EXOSC7: variants seen among roughly 807,000 people sequenced by gnomAD.
EXOSC7 encodes the protein exosome complex component RRP42.
In EXOSC7, 25 loss-of-function variants were observed where a neutral mutation model predicts 34.3. That is an observed-to-expected ratio of 0.73 (90% CI 0.53 to 1.02). The LOEUF is 1.02. EXOSC7 is among the 50% of genes least tolerant of loss of function. The probability of loss-of-function intolerance (pLI) is 0.00; values close to 1 mark genes in which losing one functional copy is unlikely to be tolerated. For missense variants in EXOSC7, 370 were observed against 368.5 expected (o/e 1.00, Z -0.03); for synonymous variants, 130 against 143.0 (o/e 0.91, Z 0.65).
chr3:45,005,318 T>A lies in EXOSC7; in HGVS notation c.519T>A (p.Asp173Glu), dbSNP rs145102813. The A allele has an allele frequency of 1.2e-6, 2 of 1,614,062 alleles. No individual in the cohort carries two copies. Among genetic ancestry groups the A allele is most frequent in the African/African-American group, 1.3e-5 (1 of 74,938 alleles). The change falls in exon 6 of 8, where the codon GAT becomes GAA. Residue 173 changes from aspartate (D) to glutamate (E), a missense_variant. By Grantham distance (45) the Asp-to-Glu change is conservative. Coordinates refer to ENST00000265564, the MANE Select transcript of EXOSC7 (RefSeq NM_015004.4). Reference protein sequence around the residue: ...TRIPRVRVLEDEEGSKDIELS... With the variant: ...TRIPRVRVLEEEEGSKDIELS... ...TACCAAGGGTTCGAGTTTTGGAGGA[T>A]GAAGAGGGGTCGAAGGACATTGAAT...
At chr3:45,001,950 G>T (rs1483166453) in intron 5 of EXOSC7, 5 of 248,256 alleles carry the variant, frequency 2.0e-5, no homozygotes, top group African/African-American at 9.1e-5. Flanking sequence ...CTCTATGGGG[G>T]CAAGGATTTT....
chr3:44,990,833 G>T (rs931499333), intron 3 of EXOSC7, among the ~76,000 whole-genome samples: 1 of 152,168 alleles, frequency 6.6e-6, no homozygotes, highest in Non-Finnish European at 1.5e-5. Context: ...GTTTACTATT[G>T]CCTGGGAGCC....
At chr3:44,985,650 G>A (rs1210994104) in intron 1 of EXOSC7, among the ~76,000 whole-genome samples, 1 of 152,154 alleles carries the variant, frequency 6.6e-6, no homozygotes, top group African/African-American at 2.4e-5. Context: ...AAGGCAGTGT[G>A]GACCCAAAGA....
chr3:44,993,320 T>A (rs997162886), intron 3 of EXOSC7, among the ~76,000 whole-genome samples: 1 of 152,072 alleles, frequency 6.6e-6, no homozygotes, highest in African/African-American at 2.4e-5. Context: ...AGGGCCTGTG[T>A]TGGGGCTAGA....
At chr3:44,978,501 C>T (rs1575997283) in intron 1 of EXOSC7, among the ~76,000 whole-genome samples, 1 of 152,042 alleles carries the variant, frequency 6.6e-6, no homozygotes, top group Admixed American at 6.6e-5. Flanking sequence ...AGCTCTCATG[C>T]TAGAAGGAAG....
At chr3:44,981,772 G>C (rs1706275256) in intron 1 of EXOSC7, among the ~76,000 whole-genome samples, 1 of 152,168 alleles carries the variant, frequency 6.6e-6, no homozygotes, top group Admixed American at 6.5e-5. Context: ...TAGGTGTGTG[G>C]TGGTGTGTGC....
chr3:44,998,510 C>T (rs1706789652), intron 4 of EXOSC7, among the ~76,000 whole-genome samples: 1 of 152,082 alleles, frequency 6.6e-6, no homozygotes, highest in African/African-American at 2.4e-5. Context: ...AGCTATTGGC[C>T]AAATAGATTC....
intron 1 of EXOSC7, among the ~76,000 whole-genome samples, chr3:44,979,208 T>C (rs564488837): frequency 1.2e-3 from 188 of 152,344 alleles, no homozygotes; most frequent in Non-Finnish European, 2.0e-3. Context: ...GAGCCTACCA[T>C]GGAATCTCAA....
intron 4 of EXOSC7, among the ~76,000 whole-genome samples, chr3:44,998,907 C>T (rs1706800152): frequency 6.6e-6 from 1 of 152,154 alleles, no homozygotes; most frequent in South Asian, 2.1e-4. Context: ...CATAGTTGCC[C>T]AGGGAGGTGC....
At chr3:45,007,207 A>G (rs1051073651) in intron 6 of EXOSC7, among the ~76,000 whole-genome samples, 4 of 151,884 alleles carry the variant, frequency 2.6e-5, no homozygotes, top group Non-Finnish European at 5.9e-5. Context: ...GTTTTTCCAT[A>G]TCGTGTTTTT....
At position 44,989,310 on chromosome 3, in the gene EXOSC7, C is replaced by T. The variant is rs117957336; in HGVS notation, c.159+69C>T. 1.0e-3 allele frequency: 1,222 copies of T among 1,209,322 alleles called. 16 individuals are homozygous for T. In the East Asian group the frequency reaches 0.024, roughly 24 times the overall value. 74.9% of individuals were successfully genotyped at this position (1,209,322 alleles called of 1,614,324 possible). ...TAGGCCCTAAGGAATGAGCTGCTGA[C>T]GCTGTCTGGCTTTTGGAATGCAAAT... is the stretch of plus-strand genomic sequence containing the variant. On this transcript the variant is annotated intron_variant, in intron 2 of 7. Coordinates refer to ENST00000265564, the MANE Select transcript of EXOSC7 (RefSeq NM_015004.4).
At position 45,005,271 on chromosome 3, in the gene EXOSC7, ACTAGTG is replaced by A; in HGVS notation, c.492-17_492-12del. 4 of 1,613,644 alleles carry A rather than the reference ACTAGTG, an allele frequency of 2.5e-6. No individual in the cohort carries two copies. Among genetic ancestry groups the A allele is most frequent in the Middle Eastern group, 1.7e-4 (1 of 6,058 alleles). On this transcript the variant is annotated splice_polypyrimidine_tract_variant and intron_variant, in intron 5 of 7. Transcript: ENST00000265564. ...TTTTCCTCCTCCAAGTGGGAATTTT[ACTAGTG>A]CTTCTGCTTCCAGGATACCAAGGGT...
At position 44,997,270 on chromosome 3, in the gene EXOSC7, G is replaced by C. The variant is rs199885688; in HGVS notation, c.420+18G>C. 2.8e-5 allele frequency: 44 copies of C among 1,599,798 alleles called. No homozygotes were observed. The African/African-American group carries it at 5.6e-4, about 20-fold the overall frequency. On this transcript the variant is annotated intron_variant, in intron 4 of 7. Coordinates refer to ENST00000265564, the MANE Select transcript of EXOSC7 (RefSeq NM_015004.4). ...ATGTGCTGGTGAGTATCATCGTGCT[G>C]TACTGGCCACATTCTACCTTTGTTG...
chr3:44,980,716 A>G (rs1477548197), intron 1 of EXOSC7, among the ~76,000 whole-genome samples: 1 of 152,194 alleles, frequency 6.6e-6, no homozygotes, highest in Non-Finnish European at 1.5e-5. Context: ...GAAGGGAAAG[A>G]GAAAGTTCTA....
chr3:44,998,537 A>G (rs1706790508), intron 4 of EXOSC7, among the ~76,000 whole-genome samples: 2 of 152,222 alleles, frequency 1.3e-5, no homozygotes, highest in South Asian at 4.1e-4. Context: ...GAATGTGCAG[A>G]TAAAGGAGAT....
At chr3:44,982,914 C>T (rs1167000096) in intron 1 of EXOSC7, among the ~76,000 whole-genome samples, 2 of 152,162 alleles carry the variant, frequency 1.3e-5, no homozygotes, top group African/African-American at 2.4e-5. Context: ...GTGATGGGCC[C>T]GAGCCTGCAA....
At chr3:44,983,302 C>G (rs1269394307) in intron 1 of EXOSC7, among the ~76,000 whole-genome samples, 11 of 152,154 alleles carry the variant, frequency 7.2e-5, no homozygotes, top group Admixed American at 7.2e-4. Context: ...AATGCATGCC[C>G]CCAGAAGCAG....
At chr3:45,004,146 G>A (rs1706962345) in intron 5 of EXOSC7, 1 of 152,162 alleles carries the variant, frequency 6.6e-6, no homozygotes, top group Non-Finnish European at 1.5e-5. Flanking sequence ...TATAGGGTAT[G>A]GCTATCTTTA....
chr3:45,006,409 T>G (rs1235483838), intron 6 of EXOSC7, among the ~76,000 whole-genome samples: 4 of 126,190 alleles, frequency 3.2e-5, no homozygotes, highest in Non-Finnish European at 5.1e-5. Flanking sequence ...TATTTGTTTT[T>G]TTTTTTTTTT....
Sources: gnomAD v4.1 joint callset for allele counts (sites outside exome capture counted in the v4.1 genomes callset) on GRCh38, gnomAD v4.1.1 for gene constraint, MANE v1.5 for transcripts, NCBI Gene and HGNC (gene_info 2026-07-23, HGNC 2026-07-21) for gene names.